The following KANK1 variants were observed in gnomAD, a reference collection of about 807,000 sequenced individuals.
The protein encoded by KANK1 is KN motif and ankyrin repeat domain-containing protein 1.
Under a neutral mutation model 106.2 loss-of-function variants are expected in KANK1, and 109 were observed. That is an observed-to-expected ratio of 1.03 (90% confidence interval 0.88 to 1.20). KANK1 has a LOEUF of 1.20. Ranked by LOEUF, KANK1 falls within the 50% of genes most tolerant of loss-of-function variation. The pLI is 0.00. For synonymous variants in KANK1, 873 were observed against 652.2 expected (o/e 1.34, Z -5.16); for missense variants, 2,399 against 1,710.7 (o/e 1.40, Z -7.10).
chr9:489,184 T>C (rs1321891803), intron 3 of KANK1: 1 of 152,178 alleles, frequency 6.6e-6, no homozygotes, highest in South Asian at 2.1e-4. Context: ...TATGAATGAA[T>C]AAACTTTTTC....
intron 1 of KANK1, among the ~76,000 whole-genome samples, chr9:619,693 T>C (rs1832683141): frequency 6.6e-6 from 1 of 152,238 alleles, no homozygotes; most frequent in African/African-American, 2.4e-5. Flanking sequence ...TCAGCCGTAC[T>C]GTAATTTTCA....
chr9:528,000 G>A (rs1215371706), intron 1 of KANK1, among the ~76,000 whole-genome samples: 5 of 151,844 alleles, frequency 3.3e-5, no homozygotes, highest in Admixed American at 1.3e-4. Flanking sequence ...GCGTGGTGGC[G>A]GGCGCCTGTA....
At chr9:727,230 G>C (rs1322104037) in intron 3 of KANK1, among the ~76,000 whole-genome samples, 1 of 152,090 alleles carries the variant, frequency 6.6e-6, no homozygotes, top group Non-Finnish European at 1.5e-5. Flanking sequence ...AAAACTTTTA[G>C]ACAATTAAGT....
chr9:659,460 C>T (rs1563940775), intron 1 of KANK1, among the ~76,000 whole-genome samples: 1 of 152,116 alleles, frequency 6.6e-6, no homozygotes, highest in Non-Finnish European at 1.5e-5. Context: ...CTAATAAGTT[C>T]CCAGAAAATA....
intron 1 of KANK1, among the ~76,000 whole-genome samples, chr9:670,575 A>T (rs187196947): frequency 3.6e-4 from 55 of 152,266 alleles, no homozygotes; most frequent in African/African-American, 1.3e-3. Flanking sequence ...GTTCATGCCC[A>T]AGAGACCTGT....
At chr9:557,632 G>C (rs780493802) in intron 1 of KANK1, among the ~76,000 whole-genome samples, 2 of 152,174 alleles carry the variant, frequency 1.3e-5, no homozygotes, top group African/African-American at 4.8e-5. Context: ...TAGTAATGTA[G>C]AAGACAGATC....
At chr9:732,120 A>C (rs759767364) in intron 5 of KANK1, 4 of 340,994 alleles carry the variant, frequency 1.2e-5, no homozygotes, top group Non-Finnish European at 2.2e-5. Context: ...ATTTATGCTA[A>C]GCCGGAGATG....
chr9:663,454 T>G (rs776591499), intron 1 of KANK1, among the ~76,000 whole-genome samples: 51 of 152,340 alleles, frequency 3.3e-4, no homozygotes, highest in Middle Eastern at 3.4e-3. Context: ...ACTGTTTTAA[T>G]GTACCTATAC....
chr9:745,068 A>G, intron 11 of KANK1, 105 bp from the exon 12 acceptor site: 1 of 1,539,150 alleles, frequency 6.5e-7, no homozygotes, highest in Non-Finnish European at 8.7e-7. Context: ...GCTCGGGCTC[A>G]CAGCTGCTTG....
chr9:562,681 TACTTTCTAACCTGTAA>T (rs1380933233), intron 1 of KANK1, among the ~76,000 whole-genome samples: 2 of 152,306 alleles, frequency 1.3e-5, no homozygotes, highest in East Asian at 3.9e-4. Flanking sequence ...TATTGGATAG[TACTTTCTAACCTGTAA>T]AATGCTTTAC....
At chr9:687,044 T>C (rs960449941) in intron 2 of KANK1, 2 of 517,716 alleles carry the variant, frequency 3.9e-6, no homozygotes, top group South Asian at 8.4e-5. Flanking sequence ...TCTTTTTTTT[T>C]AATACTGCTG....
chr9:716,060 C>T (rs1465719150), intron 3 of KANK1, among the ~76,000 whole-genome samples: 1 of 152,168 alleles, frequency 6.6e-6, no homozygotes, highest in Non-Finnish European at 1.5e-5. Context: ...GTATTCATCT[C>T]AATGTTTGTT....
intron 1 of KANK1, among the ~76,000 whole-genome samples, chr9:608,093 A>G (rs1829729238): frequency 7.2e-6 from 1 of 139,492 alleles, no homozygotes; most frequent in Non-Finnish European, 1.5e-5. Context: ...TGCGGACTGC[A>G]GTGGCGCAAT....
chr9:600,384 T>A (rs1186249771), intron 1 of KANK1, among the ~76,000 whole-genome samples: 2 of 151,880 alleles, frequency 1.3e-5, no homozygotes. Context: ...TTTCTAAGGC[T>A]GAATAATATT....
chr9:549,944 T>A (rs1299695431), intron 1 of KANK1, among the ~76,000 whole-genome samples: 3 of 152,006 alleles, frequency 2.0e-5, no homozygotes, highest in Non-Finnish European at 4.4e-5. Flanking sequence ...GAGGGGGCAG[T>A]GGTCAGAAAG....
chr9:498,709 A>G (rs2058497208), intron 3 of KANK1, among the ~76,000 whole-genome samples: 1 of 152,236 alleles, frequency 6.6e-6, no homozygotes, highest in African/African-American at 2.4e-5. Flanking sequence ...AGAAAAGCAA[A>G]TTAAAGCCAC....
intron 2 of KANK1, among the ~76,000 whole-genome samples, chr9:709,132 A>G (rs932453163): frequency 1.3e-5 from 2 of 152,198 alleles, no homozygotes; most frequent in Non-Finnish European, 2.9e-5. Flanking sequence ...GGGATAGGGA[A>G]TGTTTTGTCC....
chr9:656,550 C>A (rs1336073069), intron 1 of KANK1, among the ~76,000 whole-genome samples: 1 of 152,110 alleles, frequency 6.6e-6, no homozygotes, highest in East Asian at 1.9e-4. Flanking sequence ...AGGCATTCCT[C>A]AACAGAATGG....
chr9:615,102 G>A (rs1042719592), intron 1 of KANK1, among the ~76,000 whole-genome samples: 4 of 151,904 alleles, frequency 2.6e-5, no homozygotes, highest in Non-Finnish European at 4.4e-5. Context: ...ACCATACCCA[G>A]CTAATTTTTA....
Sources: allele counts gnomAD v4.1 joint callset (sites outside exome capture counted in the v4.1 genomes callset), GRCh38; gene constraint gnomAD v4.1.1; transcripts MANE v1.5; gene names NCBI Gene and HGNC (gene_info 2026-07-23, HGNC 2026-07-21).